The following COL4A2 variants were observed in gnomAD, a reference collection of about 807,000 sequenced individuals.
The protein encoded by COL4A2 is collagen alpha-2(IV) chain.
A neutral mutation model predicts 200.2 loss-of-function variants in COL4A2; 99 were observed. The ratio of observed to expected loss-of-function variants is 0.49; its 90% CI spans 0.42 to 0.58. The LOEUF (loss-of-function observed/expected upper bound fraction) is 0.58, where lower values mean the gene tolerates loss of function less well. COL4A2 is among the 20% of genes least tolerant of loss of function. The pLI is 0.00. For synonymous variants in COL4A2, 897 were observed against 900.6 expected, an observed-to-expected ratio of 1.00 and a Z score of 0.07; for missense variants, 1,950 against 2,314.1, an observed-to-expected ratio of 0.84 and a Z score of 3.23.
chr13:110,311,513 C>A (rs1275972116), intron 3 of COL4A2, among the ~76,000 whole-genome samples: 1 of 152,146 alleles, frequency 6.6e-6, no homozygotes, highest in Non-Finnish European at 1.5e-5. Context: ...CTCCTCTCCC[C>A]CAAAACGGAG....
intron 20 of COL4A2, among the ~76,000 whole-genome samples, chr13:110,453,864 C>G (rs1487478623): frequency 6.6e-6 from 1 of 152,158 alleles, no homozygotes; most frequent in Non-Finnish European, 1.5e-5. Context: ...AAGTAGTCCA[C>G]CATAATGGCC....
intron 20 of COL4A2, among the ~76,000 whole-genome samples, chr13:110,456,233 GGCTGACCAT>G (rs1209609979): frequency 6.6e-6 from 1 of 152,240 alleles, no homozygotes; most frequent in Non-Finnish European, 1.5e-5. Flanking sequence ...CATCCAACAT[GGCTGACCAT>G]GCTGAATCCA....
At chr13:110,316,752 A>G (rs1885139603) in intron 3 of COL4A2, among the ~76,000 whole-genome samples, 1 of 152,222 alleles carries the variant, frequency 6.6e-6, no homozygotes, top group African/African-American at 2.4e-5. Context: ...TGGTAGGTCA[A>G]TAGGAACAAA....
At chr13:110,358,510 T>G (rs1287354864) in intron 4 of COL4A2, among the ~76,000 whole-genome samples, 1 of 152,234 alleles carries the variant, frequency 6.6e-6, no homozygotes, top group Non-Finnish European at 1.5e-5. Context: ...CAGAAAACAG[T>G]GACGCAGTTG....
intron 30 of COL4A2, among the ~76,000 whole-genome samples, chr13:110,479,774 C>T (rs534977616): frequency 3.9e-4 from 60 of 152,298 alleles, no homozygotes; most frequent in African/African-American, 1.4e-3. Context: ...GATGGGAGCA[C>T]GGAGACCAGA....
intron 4 of COL4A2, among the ~76,000 whole-genome samples, chr13:110,361,742 C>T (rs1232451900): frequency 1.4e-4 from 21 of 152,186 alleles, no homozygotes; most frequent in Admixed American, 1.4e-3. Flanking sequence ...TTCACCCAGA[C>T]AGAACCACCC....
chr13:110,321,125 A>G (rs547077472), intron 3 of COL4A2, among the ~76,000 whole-genome samples: 1 of 151,970 alleles, frequency 6.6e-6, no homozygotes, highest in Non-Finnish European at 1.5e-5. Context: ...TCTGAAGATA[A>G]TCTTACTAAT....
chr13:110,390,693 A>G (rs1878953563), intron 4 of COL4A2, among the ~76,000 whole-genome samples: 1 of 152,236 alleles, frequency 6.6e-6, no homozygotes, highest in Admixed American at 6.5e-5. Context: ...TGTTAATTCT[A>G]AATGACACAT....
At chr13:110,450,873 G>C (rs9521767) in intron 20 of COL4A2, among the ~76,000 whole-genome samples, 114,528 of 152,156 alleles carry the variant, frequency 0.75, 43,578 homozygotes, top group Middle Eastern at 0.88. Context: ...CCTCTCTCCT[G>C]TGTTACTCCA....
At chr13:110,476,813 A>G (rs1396805220) in intron 29 of COL4A2, among the ~76,000 whole-genome samples, 1 of 152,206 alleles carries the variant, frequency 6.6e-6, no homozygotes, top group African/African-American at 2.4e-5. Flanking sequence ...TTAGTGTCTG[A>G]CCACTGGGCA....
At position 110,473,094 on chromosome 13, in the gene COL4A2, C is replaced by G; in HGVS notation, c.2369C>G (p.Pro790Arg). The G allele has an allele frequency of 6.4e-7, 1 of 1,556,766 alleles. No individual in the cohort carries two copies. The highest frequency in any genetic ancestry group is 8.7e-7 in the Non-Finnish European group (1 of 1,150,848). ...QPGPRGDAGV[P>R]GQPGLKGLPG... ...GGGCCACGGGGAGATGCTGGTGTGC[C>G]TGGACAGCCTGGGCTTAAAGGCCTT... Residue 790 changes from proline (P) to arginine (R), a missense_variant, in exon 29 of 48, where the codon CCT (proline) becomes CGT (arginine). Coordinates refer to ENST00000360467, the MANE Select transcript of COL4A2 (RefSeq NM_001846.4).
intron 29 of COL4A2, among the ~76,000 whole-genome samples, chr13:110,474,113 T>C (rs1882584012): frequency 6.7e-6 from 1 of 149,466 alleles, no homozygotes; most frequent in Admixed American, 6.7e-5. Context: ...CGTGACAGAG[T>C]GAGACTCTGT....
At chr13:110,407,799 A>C (rs9284253) in intron 4 of COL4A2, among the ~76,000 whole-genome samples, 1 of 152,012 alleles carries the variant, frequency 6.6e-6, no homozygotes, top group African/African-American at 2.4e-5. Flanking sequence ...AGGACGGGGG[A>C]CAGCAGTGTC....
chr13:110,403,240 CT>C (rs1431125702), intron 4 of COL4A2, among the ~76,000 whole-genome samples: 1 of 152,218 alleles, frequency 6.6e-6, no homozygotes, highest in Non-Finnish European at 1.5e-5. Context: ...TAAGAATTTT[CT>C]AAATCTTTCA....
chr13:110,361,589 G>A (rs927754528), intron 4 of COL4A2, among the ~76,000 whole-genome samples: 2 of 152,210 alleles, frequency 1.3e-5, no homozygotes, highest in Admixed American at 6.5e-5. Context: ...TTTTGGACAC[G>A]AAGCAGAAAT....
intron 45 of COL4A2, among the ~76,000 whole-genome samples, chr13:110,505,137 GCA>G (rs1883803544): frequency 6.6e-6 from 1 of 150,724 alleles, no homozygotes; most frequent in Admixed American, 6.6e-5. Flanking sequence ...GATCACAAGG[GCA>G]GGAGATCGAG....
intron 3 of COL4A2, among the ~76,000 whole-genome samples, chr13:110,345,976 A>G (rs1876682570): frequency 1.3e-5 from 2 of 152,138 alleles, no homozygotes; most frequent in Admixed American, 1.3e-4. Flanking sequence ...CATCAAGAAG[A>G]TGGGCTTTGG....
At chr13:110,347,200 G>T (rs1876743157) in intron 3 of COL4A2, among the ~76,000 whole-genome samples, 1 of 152,244 alleles carries the variant, frequency 6.6e-6, no homozygotes, top group South Asian at 2.1e-4. Flanking sequence ...CATGCTCTGA[G>T]ATCATCTCTA....
intron 33 of COL4A2, 128 bp downstream of exon 33, chr13:110,485,155 T>C: frequency 5.1e-6 from 4 of 782,846 alleles, no homozygotes; most frequent in Non-Finnish European, 7.8e-6. Flanking sequence ...TTTTCATCTC[T>C]GGGCGCCCTG....
Sources: gnomAD v4.1 joint callset for allele counts (sites outside exome capture counted in the v4.1 genomes callset) on GRCh38, gnomAD v4.1.1 for gene constraint, MANE v1.5 for transcripts, NCBI Gene and HGNC (gene_info 2026-07-23, HGNC 2026-07-21) for gene names.